ASCC2: variants seen among roughly 807,000 people sequenced by gnomAD.
The protein encoded by ASCC2 is ASC-1 complex subunit P100.
A neutral mutation model predicts 93.5 loss-of-function variants in ASCC2; 42 were observed. That is an observed-to-expected ratio of 0.45 (90% confidence interval 0.35 to 0.58). The LOEUF (loss-of-function observed/expected upper bound fraction) is 0.58. Among genes scored for constraint, ASCC2 ranks in the 20% least tolerant of loss-of-function variants. ASCC2 has a pLI of 0.00. For missense variants in ASCC2, 859 were observed against 977.6 expected (o/e 0.88, Z 1.62); for synonymous variants, 364 against 384.2 (o/e 0.95, Z 0.62).
chr22:29,803,823 C>T (rs927616125), intron 13 of ASCC2, among the ~76,000 whole-genome samples: 3 of 152,196 alleles, frequency 2.0e-5, no homozygotes, highest in African/African-American at 7.2e-5. Flanking sequence ...CTCCAAGGCC[C>T]TGCAGGAATC....
chr22:29,793,350 A>G lies in ASCC2; in HGVS notation c.1919+10T>C, dbSNP rs758779720. ...TCTGCCCTGGAACGCCACCCCCACT[A>G]TGGCCTCACCTGCGGCTGATGAGCT... On this transcript the variant is annotated intron_variant, in intron 17 of 19. Coordinates refer to ENST00000307790, the MANE Select transcript of ASCC2 (RefSeq NM_032204.5). The G allele has an allele frequency of 6.8e-6, 11 of 1,612,846 alleles. No individual in the cohort carries two copies. The East Asian group carries it at 2.5e-4, about 36-fold the overall frequency.
chr22:29,809,121 C>CAA (rs1316093434), intron 8 of ASCC2, among the ~76,000 whole-genome samples: 24 of 40,930 alleles, frequency 5.9e-4, no homozygotes, highest in South Asian at 3.2e-3. Flanking sequence ...GACTCTGTCT[C>CAA]AAAAAAAAAA....
chr22:29,806,088 C>T (rs1292231846), intron 12 of ASCC2, 128 bp downstream of exon 12: 23 of 1,011,802 alleles, frequency 2.3e-5, no homozygotes, highest in East Asian at 1.7e-4. Context: ...CAGGCCACCT[C>T]GGACAGCTGG....
At chr22:29,811,671 T>G (rs945105510) in intron 8 of ASCC2, among the ~76,000 whole-genome samples, 6 of 152,178 alleles carry the variant, frequency 3.9e-5, no homozygotes, top group African/African-American at 1.2e-4. Context: ...TAGTCAAAAG[T>G]GTTTCCCTTT....
At chr22:29,801,226 A>T in intron 14 of ASCC2, 116 bp from the exon 15 acceptor site, 1 of 1,299,040 alleles carries the variant, frequency 7.7e-7, no homozygotes, top group Admixed American at 2.4e-5. Context: ...TTCAACAGGC[A>T]CTCCTAGGAC....
chr22:29,822,131 C>G, intron 5 of ASCC2: 2 of 639,744 alleles, frequency 3.1e-6, no homozygotes, highest in South Asian at 1.8e-5. Context: ...GTCTGGTACA[C>G]AGTTTTATTT....
chr22:29,815,782 G>A (rs886284121), intron 6 of ASCC2, among the ~76,000 whole-genome samples: 3 of 152,194 alleles, frequency 2.0e-5, no homozygotes, highest in Non-Finnish European at 2.9e-5. Flanking sequence ...CTGTATGAGC[G>A]CCAGCCAGCC....
At chr22:29,800,449 C>T (rs1202187687) in intron 15 of ASCC2, among the ~76,000 whole-genome samples, 2 of 152,174 alleles carry the variant, frequency 1.3e-5, no homozygotes, top group East Asian at 3.9e-4. Context: ...CCTAATTAAT[C>T]CAGAGCCTAG....
At chr22:29,824,293 C>G (rs2062007067) in intron 4 of ASCC2, among the ~76,000 whole-genome samples, 1 of 147,044 alleles carries the variant, frequency 6.8e-6, no homozygotes, top group South Asian at 2.2e-4. Flanking sequence ...CACACACACT[C>G]AAAGGGAACA....
rs1450458158 is a variant in ASCC2 at position 29,793,463 on chromosome 22, G to A, written c.1816C>T (p.Pro606Ser). Residue 606 changes from proline (P) to serine (S), a missense_variant, in exon 17 of 20, where the codon CCC becomes TCC. Physicochemically the swap from Pro to Ser is moderately conservative, Grantham distance 74 (BLOSUM62 -1). Transcript: ENST00000307790. ...TCCTCGTAGTAGACACTGTGGTAGG[G>A]CAGGCTCTCGCCTGGCTGCAGTGGC... ...EVPLQPGESL[P>S]YHSVYYEDEY... The A allele has an allele frequency of 6.2e-7, 1 of 1,614,044 alleles. No individual in the cohort carries two copies. Among genetic ancestry groups the A allele is most frequent in the African/African-American group, 1.3e-5 (1 of 74,944 alleles).
intron 9 of ASCC2, among the ~76,000 whole-genome samples, chr22:29,807,586 C>T (rs192935681): frequency 4.6e-5 from 7 of 152,316 alleles, no homozygotes; most frequent in African/African-American, 1.7e-4. Context: ...AAGTCTCCTT[C>T]ACGGTGTTTA....
At chr22:29,799,834 C>T (rs2058870171) in intron 15 of ASCC2, among the ~76,000 whole-genome samples, 1 of 152,174 alleles carries the variant, frequency 6.6e-6, no homozygotes, top group African/African-American at 2.4e-5. Flanking sequence ...GTCACCCAGG[C>T]TGGAGTACAG....
intron 2 of ASCC2, among the ~76,000 whole-genome samples, chr22:29,829,935 G>C (rs1264267482): frequency 6.6e-6 from 1 of 152,142 alleles, no homozygotes; most frequent in Non-Finnish European, 1.5e-5. Flanking sequence ...CCTTTGGCTA[G>C]AGATCATGCC....
In ASCC2 at chr22:29,806,215, C is replaced by A. The variant is rs1601936275; in HGVS notation, c.1160+1G>T. Reference sequence around the variant, plus strand: ...CGTAGTGGGCTATGGTAGAAGGATACAAGACTGATGAGGCCTGCTGCAGCA... The same window carrying A: ...CGTAGTGGGCTATGGTAGAAGGATAAAAGACTGATGAGGCCTGCTGCAGCA... On this transcript the variant is annotated splice_donor_variant, in intron 12 of 19. Coordinates refer to ENST00000307790, the MANE Select transcript of ASCC2 (RefSeq NM_032204.5). LOFTEE classifies it high-confidence loss of function. The A allele has an allele frequency of 6.2e-7, 1 of 1,614,020 alleles. No homozygotes were observed. The highest frequency in any genetic ancestry group is 8.5e-7 in the Non-Finnish European group (1 of 1,179,958).
intron 12 of ASCC2, among the ~76,000 whole-genome samples, chr22:29,805,520 C>G (rs2059568972): frequency 6.6e-6 from 1 of 152,228 alleles, no homozygotes. Context: ...ATGTCACTTC[C>G]TGCTTCACAA....
Position 29,825,584 on chromosome 22 carries a change from T to C in ASCC2, c.240+38A>G, listed in dbSNP as rs376150917. On this transcript the variant is annotated intron_variant, in intron 3 of 19. Coordinates refer to ENST00000307790, the MANE Select transcript of ASCC2 (RefSeq NM_032204.5). The surrounding 1 kb of genome is among the most constrained non-coding windows in gnomAD (Gnocchi z 4.9). ...ACAGCAACCAACCAATGGCATGTCA[T>C]GTGCTTTGTCTTAGCGTTAATTTTG... 17 of 1,613,692 alleles carry C rather than the reference T, an allele frequency of 1.1e-5. No individual in the cohort carries two copies. The highest frequency in any genetic ancestry group is 1.3e-5 in the African/African-American group (1 of 74,916).
chr22:29,835,646 T>C (rs2063685939), intron 1 of ASCC2, among the ~76,000 whole-genome samples: 1 of 152,104 alleles, frequency 6.6e-6, no homozygotes. Context: ...GTACATAAAC[T>C]CGTAGGGTTG....
rs60849755 is a variant in ASCC2, at chr22:29,824,251, TACACACACACACACACAC to T, written c.411+818_411+835del. On this transcript the variant is annotated intron_variant, in intron 4 of 19. Coordinates refer to ENST00000307790, the MANE Select transcript of ASCC2 (RefSeq NM_032204.5). ...TTTTAAAAAGATCCTATTTTTTAAA[TACACACACACACACACAC>T]ACACACACACACACACACACACTCA... 6.8e-5 allele frequency among the ~76,000 whole-genome samples: 10 copies of T among 146,570 alleles called. No individual in the cohort carries two copies. In the South Asian group the frequency reaches 2.2e-3, roughly 33 times the overall value.
At chr22:29,819,190 C>T (rs1167874271) in intron 5 of ASCC2, among the ~76,000 whole-genome samples, 1 of 152,076 alleles carries the variant, frequency 6.6e-6, no homozygotes, top group African/African-American at 2.4e-5. Context: ...GGCAGAGTTT[C>T]GCTCTTGTTG....
Sources: allele counts gnomAD v4.1 joint callset (sites outside exome capture counted in the v4.1 genomes callset), GRCh38; gene constraint gnomAD v4.1.1; non-coding constraint Gnocchi (gnomAD v3.1); transcripts MANE v1.5; gene names NCBI Gene and HGNC (gene_info 2026-07-23, HGNC 2026-07-21).